GALNT18: variants seen among roughly 807,000 people sequenced by gnomAD.
The protein encoded by GALNT18 is polypeptide N-acetylgalactosaminyltransferase 18, also known as GalNAc-transferase 18.
In GALNT18, 44 loss-of-function variants were observed where a neutral mutation model predicts 69.5. The ratio of observed to expected loss-of-function variants is 0.63; its 90% CI spans 0.50 to 0.81. The LOEUF is 0.81. Among genes scored for constraint, GALNT18 ranks in the 40% least tolerant of loss-of-function variants. The pLI is 0.00. For synonymous variants in GALNT18, 364 were observed against 318.2 expected, an observed-to-expected ratio of 1.14 and a Z score of -1.53; for missense variants, 715 against 810.0, an observed-to-expected ratio of 0.88 and a Z score of 1.42.
chr11:11,536,860 A>G (rs764413617), intron 1 of GALNT18, among the ~76,000 whole-genome samples: 74 of 152,238 alleles, frequency 4.9e-4, no homozygotes, highest in Non-Finnish European at 8.8e-4. Context: ...GTGGTGCTTC[A>G]AGGCAGAATG....
rs1856961073 is a variant in GALNT18, at chr11:11,500,937, TA to T, written c.236-52002del. Among the ~76,000 whole-genome samples, 1 of 152,204 alleles carries T rather than the reference TA, an allele frequency of 6.6e-6. No homozygotes were observed. Among genetic ancestry groups the T allele is most frequent in the South Asian group, 2.1e-4 (1 of 4,826 alleles). On this transcript the variant is annotated intron_variant, in intron 1 of 10. Transcript: ENST00000227756. The surrounding 1 kb of genome is among the most constrained non-coding windows in gnomAD (Gnocchi z 5.0). ...AGGGATGCACCTCAGGCCGATTTGC[TA>T]GCTGACTAGCACAGGGGCCTTGGGG...
At chr11:11,607,047 A>G (rs1353183426) in intron 1 of GALNT18, among the ~76,000 whole-genome samples, 1 of 152,246 alleles carries the variant, frequency 6.6e-6, no homozygotes, top group African/African-American at 2.4e-5. Context: ...ATATGTGAGG[A>G]AAGAGAAAGC....
Position 11,621,145 on chromosome 11 carries a change from G to A in GALNT18, c.235+214C>T, listed in dbSNP as rs61870422. ...CACACATCCGCTCGTGCAGCCCTGC[G>A]CACACACGTGTGCCCCGGGGAAGAG... On this transcript the variant is annotated intron_variant, in intron 1 of 10. Transcript: ENST00000227756. This position sits in a 1 kb window ranked among gnomAD's most constrained non-coding sequence, Gnocchi z 9.3. Among the ~76,000 whole-genome samples, 16,773 of 152,186 alleles carry A rather than the reference G, an allele frequency of 0.11. 1,273 individuals carry two copies. Among genetic ancestry groups the A allele is most frequent in the Middle Eastern group, 0.17 (50 of 294 alleles).
At chr11:11,594,561 TACA>T (rs1258741841) in intron 1 of GALNT18, among the ~76,000 whole-genome samples, 1 of 152,194 alleles carries the variant, frequency 6.6e-6, no homozygotes, top group Non-Finnish European at 1.5e-5. Context: ...AATCAAATGA[TACA>T]ACATTTTGTG....
Position 11,332,978 on chromosome 11 carries a change from C to A in GALNT18, c.1279-147G>T. 1.3e-6 allele frequency: 1 copy of A among 797,410 alleles called. No homozygotes were observed. The highest frequency in any genetic ancestry group is 1.7e-5 in the African/African-American group (1 of 59,366). 49.4% of individuals were successfully genotyped at this position (797,410 alleles called of 1,614,324 possible). A position where few individuals can be genotyped will look rare whatever the true frequency, so the allele number is the denominator to read the frequency against. Reference sequence around the variant, plus strand: ...TGGCACGTTAACTCTTGCATTTTCCCACGGGTACCTTAACCCCGTAACCAT... The same window carrying A: ...TGGCACGTTAACTCTTGCATTTTCCAACGGGTACCTTAACCCCGTAACCAT... On this transcript the variant is annotated intron_variant, in intron 7 of 10. Transcript: ENST00000227756. This position sits in a 1 kb window ranked among gnomAD's most constrained non-coding sequence, Gnocchi z 4.3.
At chr11:11,401,949 C>CAGAA (rs577391342) in intron 3 of GALNT18, among the ~76,000 whole-genome samples, 86 of 152,316 alleles carry the variant, frequency 5.6e-4, no homozygotes, top group Middle Eastern at 3.4e-3. Flanking sequence ...AAGGGCTTTA[C>CAGAA]AGAAGCACTG....
chr11:11,331,265 C>T (rs1438488651), intron 8 of GALNT18, among the ~76,000 whole-genome samples: 5 of 152,152 alleles, frequency 3.3e-5, no homozygotes, highest in Non-Finnish European at 7.3e-5. Context: ...GAGGTCACTG[C>T]ATGGTTCTCT....
intron 6 of GALNT18, among the ~76,000 whole-genome samples, chr11:11,362,321 C>T (rs982722442): frequency 3.9e-5 from 6 of 152,026 alleles, no homozygotes; most frequent in African/African-American, 1.4e-4. Flanking sequence ...AGTTTGCTTA[C>T]ATTAAACAGA....
At chr11:11,478,166 G>A (rs1856442950) in intron 1 of GALNT18, among the ~76,000 whole-genome samples, 2 of 152,318 alleles carry the variant, frequency 1.3e-5, no homozygotes, top group African/African-American at 4.8e-5. Context: ...ACATAGAAAG[G>A]AGCAAAACCT....
At chr11:11,306,024 C>A (rs4417261) in intron 9 of GALNT18, among the ~76,000 whole-genome samples, 94,123 of 152,002 alleles carry the variant, frequency 0.62, 29,863 homozygotes, top group Admixed American at 0.76. Flanking sequence ...TCCATATAGC[C>A]CAGTGGATTA....
chr11:11,289,454 C>T (rs1208325540), intron 10 of GALNT18, among the ~76,000 whole-genome samples: 2 of 152,050 alleles, frequency 1.3e-5, no homozygotes, highest in Non-Finnish European at 2.9e-5. Context: ...GCTTTGTTGA[C>T]TGCTATGTCT....
At chr11:11,490,419 A>C (rs1375372133) in intron 1 of GALNT18, among the ~76,000 whole-genome samples, 2 of 152,168 alleles carry the variant, frequency 1.3e-5, no homozygotes, top group Non-Finnish European at 2.9e-5. Context: ...CAGTGCACAA[A>C]ATAGACTAAG....
At chr11:11,324,974 C>G (rs559984778) in intron 9 of GALNT18, among the ~76,000 whole-genome samples, 55 of 152,164 alleles carry the variant, frequency 3.6e-4, no homozygotes, top group Non-Finnish European at 6.8e-4. Context: ...GAAAGTAGAA[C>G]TACCATTTGA....
At chr11:11,425,491 T>G (rs1262752408) in intron 3 of GALNT18, among the ~76,000 whole-genome samples, 1 of 152,266 alleles carries the variant, frequency 6.6e-6, no homozygotes, top group Non-Finnish European at 1.5e-5. Flanking sequence ...GATGTGCTTT[T>G]AATCACAAAT....
intron 1 of GALNT18, among the ~76,000 whole-genome samples, chr11:11,510,782 A>G (rs7947893): frequency 0.025 from 3,810 of 152,288 alleles, 112 homozygotes; most frequent in African/African-American, 0.066. Flanking sequence ...CTGTGACTCC[A>G]GGGCAAATCT....
At chr11:11,323,393 T>C (rs899184532) in intron 9 of GALNT18, among the ~76,000 whole-genome samples, 1 of 152,182 alleles carries the variant, frequency 6.6e-6, no homozygotes, top group Non-Finnish European at 1.5e-5. Context: ...GAAATCAGAA[T>C]GAAGGAGAGT....
At chr11:11,431,871 T>A (rs1404985517) in intron 3 of GALNT18, among the ~76,000 whole-genome samples, 1 of 152,188 alleles carries the variant, frequency 6.6e-6, no homozygotes, top group African/African-American at 2.4e-5. Flanking sequence ...AATGGTCCTA[T>A]CAAGAACACT....
chr11:11,524,499 C>T (rs1857474609), intron 1 of GALNT18, among the ~76,000 whole-genome samples: 1 of 152,188 alleles, frequency 6.6e-6, no homozygotes, highest in African/African-American at 2.4e-5. Context: ...TAGGCCCTAG[C>T]AGAAGCTTTA....
intron 6 of GALNT18, among the ~76,000 whole-genome samples, chr11:11,344,515 G>A (rs1422842232): frequency 6.6e-6 from 1 of 152,226 alleles, no homozygotes; most frequent in Non-Finnish European, 1.5e-5. Context: ...GTGCTAAATG[G>A]TGCTCAAAAG....
Sources: gnomAD v4.1 joint callset for allele counts (sites outside exome capture counted in the v4.1 genomes callset) on GRCh38, gnomAD v4.1.1 for gene constraint, Gnocchi (gnomAD v3.1) non-coding constraint, MANE v1.5 for transcripts, NCBI Gene and HGNC (gene_info 2026-07-23, HGNC 2026-07-21) for gene names.